Variants in SPOPL observed in about 807,000 individuals in gnomAD.
SPOPL encodes the protein speckle type BTB/POZ protein like, also known as speckle-type POZ protein-like.
In SPOPL, 23 loss-of-function variants were observed where a neutral mutation model predicts 53.8. That is an observed-to-expected ratio of 0.43 (90% confidence interval 0.31 to 0.61). The LOEUF (loss-of-function observed/expected upper bound fraction) is 0.61. Among genes scored for constraint, SPOPL ranks in the 20% least tolerant of loss-of-function variants. The pLI, the probability that SPOPL is intolerant of heterozygous loss-of-function variation, is 0.12. For synonymous variants in SPOPL, 164 were observed against 149.7 expected (o/e 1.10, Z -0.70); for missense variants, 442 against 466.9 (o/e 0.95, Z 0.49).
At chr2:138,539,831 A>C (rs1685027550) in intron 1 of SPOPL, among the ~76,000 whole-genome samples, 1 of 152,182 alleles carries the variant, frequency 6.6e-6, no homozygotes, top group Non-Finnish European at 1.5e-5. Context: ...GCCCATGCGT[A>C]TGTCCTGAAC....
At chr2:138,532,593 ATTTTTT>A (rs71301784) in intron 1 of SPOPL, among the ~76,000 whole-genome samples, 8 of 111,874 alleles carry the variant, frequency 7.2e-5, no homozygotes, top group African/African-American at 2.3e-4. Flanking sequence ...CGCCCGGCTA[ATTTTTT>A]TTTTTTTTTT....
chr2:138,560,807 T>C lies in SPOPL; in HGVS notation c.717T>C (p.Asn239=). Residue 239 remains asparagine, a splice_region_variant and synonymous_variant, in exon 8 of 11, where the codon AAT becomes AAC. Coordinates refer to ENST00000280098, the MANE Select transcript of SPOPL (RefSeq NM_001001664.3). ...FEHEMEESKK[N]RVEINDLDPE... ...TTTGTGTTGTTTTTCGATATCAGAA[T>C]CGAGTGGAAATAAATGATTTAGACC... 6.3e-7 allele frequency: 1 copy of C among 1,584,464 alleles called. No individual in the cohort carries two copies. Among genetic ancestry groups the C allele is most frequent in the South Asian group, 1.2e-5 (1 of 84,694 alleles).
intron 1 of SPOPL, among the ~76,000 whole-genome samples, chr2:138,524,389 C>T (rs1002904070): frequency 6.6e-6 from 1 of 152,236 alleles, no homozygotes; most frequent in African/African-American, 2.4e-5. Context: ...AGGTCTCTGA[C>T]ATGCCCTGGA....
At chr2:138,542,329 G>A (rs1685089843) in intron 1 of SPOPL, among the ~76,000 whole-genome samples, 1 of 152,180 alleles carries the variant, frequency 6.6e-6, no homozygotes, top group African/African-American at 2.4e-5. Flanking sequence ...AATGTTGACA[G>A]TGGGGTGTTA....
At chr2:138,558,535 A>G (rs992100232) in intron 5 of SPOPL, among the ~76,000 whole-genome samples, 8 of 152,248 alleles carry the variant, frequency 5.3e-5, no homozygotes, top group Middle Eastern at 3.5e-3. Flanking sequence ...AAACTTCTCA[A>G]TTTGCATATC....
intron 3 of SPOPL, 33 bp from the exon 4 acceptor site, chr2:138,550,870 A>G (rs1193729151): frequency 1.9e-6 from 3 of 1,576,964 alleles, no homozygotes; most frequent in Non-Finnish European, 2.6e-6. Flanking sequence ...CAAGTATTAT[A>G]TTCCTCCATG....
intron 1 of SPOPL, among the ~76,000 whole-genome samples, chr2:138,524,073 T>G (rs556696284): frequency 2.0e-5 from 3 of 152,314 alleles, no homozygotes; most frequent in African/African-American, 2.4e-5. Context: ...CAGCAAACTT[T>G]TGCCTGGGCA....
intron 5 of SPOPL, chr2:138,554,506 C>T: frequency 7.8e-7 from 1 of 1,289,568 alleles, no homozygotes; most frequent in Non-Finnish European, 1.0e-6. Context: ...CTGCCTCCTC[C>T]CCCTCCCCTG....
chr2:138,532,036 G>A (rs561739018), intron 1 of SPOPL, among the ~76,000 whole-genome samples: 74 of 152,172 alleles, frequency 4.9e-4, no homozygotes, highest in Non-Finnish European at 9.0e-4. Flanking sequence ...ATACAGTCTA[G>A]TTTTACTTTA....
chr2:138,557,088 G>A (rs367840804), intron 5 of SPOPL, among the ~76,000 whole-genome samples: 10 of 152,066 alleles, frequency 6.6e-5, no homozygotes, highest in South Asian at 2.1e-4. Context: ...TGCAGGAGGC[G>A]GAGCTTGCAG....
intron 1 of SPOPL, among the ~76,000 whole-genome samples, chr2:138,544,146 G>A (rs894259519): frequency 1.3e-5 from 2 of 152,280 alleles, no homozygotes; most frequent in East Asian, 3.9e-4. Context: ...TGCCCCTACT[G>A]GGGGGTGTCT....
chr2:138,559,374 A>G (rs1364283307), intron 7 of SPOPL, 37 bp downstream of exon 7: 3 of 1,566,852 alleles, frequency 1.9e-6, no homozygotes, highest in South Asian at 2.3e-5. Flanking sequence ...GAATTTATAT[A>G]AACGTAAAGT....
At position 138,525,063 on chromosome 2, in the gene SPOPL, G is replaced by T. The variant is rs1036400565; in HGVS notation, c.-61+22944G>T. Among the ~76,000 whole-genome samples, 31 of 152,216 alleles carry T rather than the reference G, an allele frequency of 2.0e-4. No individual in the cohort carries two copies. The East Asian group carries it at 5.8e-3, about 28-fold the overall frequency. On this transcript the variant is annotated intron_variant, in intron 1 of 10. Coordinates refer to ENST00000280098, the MANE Select transcript of SPOPL (RefSeq NM_001001664.3). ...TGGTACCAGTTTACTATATTAATCC[G>T]TTTTCATGCTGCTGATAAAGACATA...
chr2:138,552,897 G>A (rs185331815), intron 5 of SPOPL, among the ~76,000 whole-genome samples: 1 of 152,152 alleles, frequency 6.6e-6, no homozygotes, highest in East Asian at 1.9e-4. Context: ...GCTATAATTT[G>A]TGTGTACACT....
chr2:138,528,514 A>G (rs1684727287), intron 1 of SPOPL, among the ~76,000 whole-genome samples: 1 of 152,126 alleles, frequency 6.6e-6, no homozygotes, highest in Non-Finnish European at 1.5e-5. Context: ...ATTTGTTGTC[A>G]TCTCATTGAG....
chr2:138,505,989 G>A (rs1236147091), intron 1 of SPOPL, among the ~76,000 whole-genome samples: 1 of 152,120 alleles, frequency 6.6e-6, no homozygotes, highest in Non-Finnish European at 1.5e-5. Flanking sequence ...ACGTGAGGTT[G>A]GTTGATGGGG....
Position 138,550,964 on chromosome 2 carries a change from T to A in SPOPL, c.262T>A (p.Leu88Met). The A allele has an allele frequency of 6.2e-7, 1 of 1,613,546 alleles. No homozygotes were observed. Among genetic ancestry groups the A allele is most frequent in the Non-Finnish European group, 8.5e-7 (1 of 1,179,624 alleles). The part of the protein sequence containing the change: ...DESKDYLSLY[L>M]LLVSCPKSEV... The stretch of plus-strand genomic sequence containing the variant: ...AAGTAAAGACTACTTGTCCTTATAT[T>A]TGCTTTTAGTCAGCTGCCCCAAAAG... Residue 88 changes from leucine to methionine, a missense_variant, in exon 4 of 11, where the codon TTG (leucine) becomes ATG (methionine). By Grantham distance (15) the Leu-to-Met change is conservative. Coordinates refer to ENST00000280098, the MANE Select transcript of SPOPL (RefSeq NM_001001664.3).
intron 1 of SPOPL, among the ~76,000 whole-genome samples, chr2:138,544,119 C>T (rs1685135910): frequency 6.6e-6 from 1 of 152,154 alleles, no homozygotes; most frequent in Admixed American, 6.5e-5. Context: ...AGTACCCGGC[C>T]TTGTGAGGTG....
Position 138,546,120 on chromosome 2 carries a change from G to A in SPOPL, c.-60-4037G>A, listed in dbSNP as rs969050866. Among the ~76,000 whole-genome samples, 3 of 152,136 alleles carry A rather than the reference G, an allele frequency of 2.0e-5. No individual in the cohort carries two copies. In the East Asian group the frequency reaches 5.8e-4, roughly 29 times the overall value. On this transcript the variant is annotated intron_variant, in intron 1 of 10. Transcript: ENST00000280098. ...TATATAAAATTAGATAGTTGTGTGT[G>A]TCTATATGACATATATAAAACATTG...
Sources: allele counts gnomAD v4.1 joint callset (sites outside exome capture counted in the v4.1 genomes callset), GRCh38; gene constraint gnomAD v4.1.1; transcripts MANE v1.5; gene names NCBI Gene and HGNC (gene_info 2026-07-23, HGNC 2026-07-21).